Variants in STX2 observed in about 807,000 individuals in gnomAD.
The protein encoded by STX2 is syntaxin-2.
In STX2, 27 loss-of-function variants were observed where a neutral mutation model predicts 40.6. The ratio of observed to expected loss-of-function variants is 0.66; its 90% CI spans 0.49 to 0.92. STX2 has a LOEUF of 0.92. STX2 is among the 40% of genes least tolerant of loss of function. The pLI is 0.00. For missense variants in STX2, 328 were observed against 366.1 expected (o/e 0.90, Z 0.85); for synonymous variants, 123 against 119.1 (o/e 1.03, Z -0.22).
chr12:130,815,858 A>G (rs544073859), intron 3 of STX2, among the ~76,000 whole-genome samples: 6 of 152,290 alleles, frequency 3.9e-5, no homozygotes, highest in East Asian at 3.9e-4. Flanking sequence ...TGTCTCCTTC[A>G]TATTAGTTTG....
chr12:130,806,538 C>T (rs1951440052), intron 6 of STX2, among the ~76,000 whole-genome samples: 1 of 152,180 alleles, frequency 6.6e-6, no homozygotes, highest in Admixed American at 6.5e-5. Flanking sequence ...ACCCGTCTGT[C>T]CCCGAAGAAG....
intron 8 of STX2, among the ~76,000 whole-genome samples, chr12:130,800,299 A>AT (rs749716699): frequency 0.023 from 3,348 of 143,576 alleles, 80 homozygotes; most frequent in African/African-American, 0.051. Flanking sequence ...ATATGTGTGT[A>AT]TTTTTTTTTT....
At chr12:130,832,022 A>T (rs1952582425) in intron 1 of STX2, among the ~76,000 whole-genome samples, 1 of 151,696 alleles carries the variant, frequency 6.6e-6, no homozygotes. Flanking sequence ...AGGCACACAT[A>T]TTTTTTTAGA....
At chr12:130,794,167 G>A (rs1464124664) in intron 10 of STX2, among the ~76,000 whole-genome samples, 1 of 111,864 alleles carries the variant, frequency 8.9e-6, no homozygotes, top group Non-Finnish European at 2.2e-5. Context: ...AAAAAACTCA[G>A]AAAGTACATG....
At chr12:130,826,548 T>A (rs1452686005) in intron 2 of STX2, among the ~76,000 whole-genome samples, 1 of 152,230 alleles carries the variant, frequency 6.6e-6, no homozygotes, top group Admixed American at 6.5e-5. Flanking sequence ...CCTCCCGGAC[T>A]GCATTAGAAC....
In STX2 at chr12:130,805,087, C is replaced by T. The variant is rs1951380547; in HGVS notation, c.463+1895G>A. 2.0e-5 allele frequency among the ~76,000 whole-genome samples: 3 copies of T among 152,162 alleles called. No individual in the cohort carries two copies. In the South Asian group the frequency reaches 6.2e-4, roughly 32 times the overall value. On this transcript the variant is annotated intron_variant, in intron 6 of 10. Transcript: ENST00000392373. The stretch of plus-strand genomic sequence containing the variant: ...CAGAGCATAAATCCTCACAGTGCAA[C>T]CGGCTGCCTGTAATGATGACTTTCA...
rs1434222340 is a variant in STX2, at chr12:130,789,715, T to A, written c.*2308A>T. ...TTTATGCTTCTCTGGAAATTTTTAA[T>A]GTAAACATGAAATATTTGAAGAACC... is the stretch of plus-strand genomic sequence containing the variant. On this transcript the variant is annotated 3_prime_UTR_variant, in exon 11 of 11. Coordinates refer to ENST00000392373, the MANE Select transcript of STX2 (RefSeq NM_194356.4). The A allele has an allele frequency of 1.3e-5, 2 of 152,646 alleles. No homozygotes were observed. Among genetic ancestry groups the A allele is most frequent in the East Asian group, 3.8e-4 (2 of 5,204 alleles). 9.5% of individuals were successfully genotyped at this position (152,646 alleles called of 1,614,324 possible).
At chr12:130,832,953 G>GGCAGCC (rs1468372924) in intron 1 of STX2, among the ~76,000 whole-genome samples, 3 of 152,144 alleles carry the variant, frequency 2.0e-5, no homozygotes, top group Non-Finnish European at 2.9e-5. Flanking sequence ...ACCCGGCCAA[G>GGCAGCC]GCAGCCACAC....
At chr12:130,795,401 AT>A (rs1950997520) in intron 10 of STX2, among the ~76,000 whole-genome samples, 1 of 152,210 alleles carries the variant, frequency 6.6e-6, no homozygotes, top group African/African-American at 2.4e-5. Flanking sequence ...TTTCTATGAC[AT>A]TTAATGAAGG....
chr12:130,829,240 C>CTA (rs1430783893), intron 1 of STX2, among the ~76,000 whole-genome samples: 1 of 152,200 alleles, frequency 6.6e-6, no homozygotes, highest in Non-Finnish European at 1.5e-5. Context: ...AACAACTGTA[C>CTA]TATTACCATG....
chr12:130,798,673 A>T (rs997470243), intron 8 of STX2, 38 bp from the exon 9 acceptor site: 32 of 1,499,318 alleles, frequency 2.1e-5, no homozygotes, highest in Non-Finnish European at 2.8e-5. Context: ...AGACATTTTC[A>T]AATGGCTTAA....
chr12:130,796,353 GC>G (rs1437680747), intron 9 of STX2, among the ~76,000 whole-genome samples: 8 of 152,112 alleles, frequency 5.3e-5, no homozygotes, highest in African/African-American at 1.9e-4. Flanking sequence ...AACCAGCCGG[GC>G]GTGGGTCTGC....
Position 130,801,459 on chromosome 12 carries a change from C to G in STX2, c.493G>C (p.Glu165Gln), listed in dbSNP as rs1566517542. The G allele has an allele frequency of 3.1e-6, 5 of 1,610,450 alleles. No individual in the cohort carries two copies. Among genetic ancestry groups the G allele is most frequent in the Non-Finnish European group, 3.4e-6 (4 of 1,177,990 alleles). Reference protein sequence around the residue: ...TGRTTTDDELEEMLESGKPSI... With the variant: ...TGRTTTDDELQEMLESGKPSI... ...GGCTTCCCGCTCTCCAGCATCTCTT[C>G]TAGCTCGTCGTCTGTGGTGGTTCTC... is the stretch of plus-strand genomic sequence containing the variant. The change falls in exon 7 of 11, where the codon GAA (glutamate) becomes CAA (glutamine). Residue 165 changes from glutamate to glutamine, a missense_variant. Glu to Gln is a conservative substitution (Grantham distance 29, BLOSUM62 2). Coordinates refer to ENST00000392373, the MANE Select transcript of STX2 (RefSeq NM_194356.4).
intron 10 of STX2, among the ~76,000 whole-genome samples, chr12:130,795,137 C>T (rs746228413): frequency 3.2e-4 from 48 of 152,086 alleles, no homozygotes; most frequent in Non-Finnish European, 7.4e-5. Context: ...AACAGGCATG[C>T]TAACTAAATA....
At chr12:130,792,736 G>A (rs1174556350) in intron 10 of STX2, among the ~76,000 whole-genome samples, 10 of 152,194 alleles carry the variant, frequency 6.6e-5, no homozygotes, top group Non-Finnish European at 7.3e-5. Flanking sequence ...GAAGTGTTGG[G>A]ATTACAGGCA....
chr12:130,814,312 C>T (rs1466949776), intron 3 of STX2, among the ~76,000 whole-genome samples: 1 of 152,154 alleles, frequency 6.6e-6, no homozygotes, highest in Non-Finnish European at 1.5e-5. Context: ...CAGAGACTAA[C>T]AACGGACGAG....
chr12:130,806,425 C>T (rs1049772674), intron 6 of STX2, among the ~76,000 whole-genome samples: 1 of 152,212 alleles, frequency 6.6e-6, no homozygotes, highest in Non-Finnish European at 1.5e-5. Flanking sequence ...GTGGGACGTC[C>T]TCACAGTGGG....
In STX2 at chr12:130,789,968, C is replaced by T. The variant is rs1950836802; in HGVS notation, c.*2055G>A. 6.6e-6 allele frequency: 1 copy of T among 152,116 alleles called. No individual in the cohort carries two copies. Among genetic ancestry groups the T allele is most frequent in the Non-Finnish European group, 1.5e-5 (1 of 68,026 alleles). 9.4% of individuals were successfully genotyped at this position (152,116 alleles called of 1,614,324 possible). On this transcript the variant is annotated 3_prime_UTR_variant, in exon 11 of 11. Coordinates refer to ENST00000392373, the MANE Select transcript of STX2 (RefSeq NM_194356.4). ...TAATAAGTGTTGTAAAAGGGGAGGACTCATATGACAGACCTTGAAGGAAAG... is the reference window on the plus strand; with the variant it reads ...TAATAAGTGTTGTAAAAGGGGAGGATTCATATGACAGACCTTGAAGGAAAG...
rs919831962 is a variant in STX2 at position 130,789,944 on chromosome 12, A to C, written c.*2079T>G. 1 of 152,222 alleles carries C rather than the reference A, an allele frequency of 6.6e-6. No homozygotes were observed. Among genetic ancestry groups the C allele is most frequent in the Non-Finnish European group, 1.5e-5 (1 of 68,054 alleles). The allele number at this position is 152,222 out of a possible 1,614,324, so 9.4% of individuals were successfully genotyped here. On this transcript the variant is annotated 3_prime_UTR_variant, in exon 11 of 11. Transcript: ENST00000392373. ...AGAAGAATAACTTGAAAAATACCAT[A>C]ATAAGTGTTGTAAAAGGGGAGGACT...
Sources: gnomAD v4.1 joint callset for allele counts (sites outside exome capture counted in the v4.1 genomes callset) on GRCh38, gnomAD v4.1.1 for gene constraint, MANE v1.5 for transcripts, NCBI Gene and HGNC (gene_info 2026-07-23, HGNC 2026-07-21) for gene names.